Variants in EML5 observed in about 807,000 individuals in gnomAD.
EML5 encodes echinoderm microtubule-associated protein-like 5.
A neutral mutation model predicts 250.0 loss-of-function variants in EML5; 120 were observed. The ratio of observed to expected loss-of-function variants is 0.48; its 90% CI spans 0.41 to 0.56. The LOEUF is 0.56. Among genes scored for constraint, EML5 ranks in the 20% least tolerant of loss-of-function variants. The pLI is 0.00. For synonymous variants in EML5, 771 were observed against 806.5 expected (o/e 0.96, Z 0.75); for missense variants, 2,006 against 2,437.6 (o/e 0.82, Z 3.73).
intron 15 of EML5, among the ~76,000 whole-genome samples, chr14:88,696,104 G>A (rs996875024): frequency 2.0e-5 from 3 of 151,566 alleles, no homozygotes; most frequent in Admixed American, 2.0e-4. Flanking sequence ...GGTATTTTTC[G>A]TGGTGACTCA....
At position 88,695,344 on chromosome 14, in the gene EML5, T is replaced by C; in HGVS notation, c.2438+17A>G. Reference sequence around the variant, plus strand: ...ATTCTAGTATTTTGCAAATGTGATATCAAGTTTTTTTCCTACCTTGCTATT... The same window carrying C: ...ATTCTAGTATTTTGCAAATGTGATACCAAGTTTTTTTCCTACCTTGCTATT... On this transcript the variant is annotated intron_variant, in intron 16 of 43. Transcript: ENST00000554922. 6.3e-7 allele frequency: 1 copy of C among 1,595,758 alleles called. No homozygotes were observed. The highest frequency in any genetic ancestry group is 8.5e-7 in the Non-Finnish European group (1 of 1,172,096).
intron 4 of EML5, among the ~76,000 whole-genome samples, chr14:88,742,071 A>G (rs539664229): frequency 6.6e-6 from 1 of 152,262 alleles, no homozygotes; most frequent in East Asian, 1.9e-4. Context: ...TTCACATTAG[A>G]ATCACCTGGG....
chr14:88,732,148 T>C (rs1048508868), intron 7 of EML5, among the ~76,000 whole-genome samples: 3 of 152,236 alleles, frequency 2.0e-5, no homozygotes, highest in Admixed American at 1.3e-4. Context: ...CCCATGCCTA[T>C]GTCCTGAATG....
At chr14:88,768,792 T>C (rs757720654) in intron 1 of EML5, among the ~76,000 whole-genome samples, 52 of 152,216 alleles carry the variant, frequency 3.4e-4, no homozygotes, top group Admixed American at 2.6e-4. Context: ...ATCTTTTCTA[T>C]TTATTTATTT....
chr14:88,694,327 A>G lies in EML5; in HGVS notation c.2519T>C (p.Met840Thr). The change falls in exon 17 of 44, where the codon ATG becomes ACG. Residue 840 changes from methionine to threonine, a missense_variant. Physicochemically the swap from Met to Thr is moderately conservative, Grantham distance 81. Transcript: ENST00000554922. ...CTTACCTGCTTTACGCCAAAATTTCATGTGTTTAATTCCAGCTGTAATTAG... is the reference window on the plus strand; with the variant it reads ...CTTACCTGCTTTACGCCAAAATTTCGTGTGTTTAATTCCAGCTGTAATTAG... Reference protein sequence around the residue: ...DKLITAGIKHMKFWRKAGGGL... With the variant: ...DKLITAGIKHTKFWRKAGGGL... 1 of 1,587,422 alleles carries G rather than the reference A, an allele frequency of 6.3e-7. No homozygotes were observed. The highest frequency in any genetic ancestry group is 8.6e-7 in the Non-Finnish European group (1 of 1,166,208).
At chr14:88,731,198 T>A (rs2140141116) in intron 7 of EML5, among the ~76,000 whole-genome samples, 1 of 151,800 alleles carries the variant, frequency 6.6e-6, no homozygotes, top group South Asian at 2.1e-4. Context: ...TAGGTATATC[T>A]CCTAATGTTA....
intron 33 of EML5, 42 bp downstream of exon 33, chr14:88,634,427 C>T: frequency 7.2e-7 from 1 of 1,379,930 alleles, no homozygotes; most frequent in African/African-American, 1.5e-5. Context: ...CTATCATTAC[C>T]AAACAATATA....
chr14:88,714,305 C>G (rs2093456458), intron 9 of EML5, among the ~76,000 whole-genome samples: 1 of 152,124 alleles, frequency 6.6e-6, no homozygotes, highest in Non-Finnish European at 1.5e-5. Context: ...AAAAGAGAAT[C>G]TGTTTTAGAT....
At chr14:88,709,892 C>T (rs1236248013) in intron 10 of EML5, among the ~76,000 whole-genome samples, 2 of 152,122 alleles carry the variant, frequency 1.3e-5, no homozygotes, top group South Asian at 4.1e-4. Context: ...AATCAGTCCC[C>T]GTTATAAATT....
chr14:88,676,267 C>A (rs1045672739), intron 21 of EML5, among the ~76,000 whole-genome samples: 1 of 152,216 alleles, frequency 6.6e-6, no homozygotes, highest in Non-Finnish European at 1.5e-5. Context: ...AGAGATTTAA[C>A]TGACTCACAG....
At chr14:88,634,195 C>CCCTT (rs1190814455) in intron 33 of EML5, among the ~76,000 whole-genome samples, 3 of 152,186 alleles carry the variant, frequency 2.0e-5, no homozygotes, top group Admixed American at 1.3e-4. Flanking sequence ...GTAGTACCTC[C>CCCTT]CCTTTCTCTC....
At chr14:88,656,060 A>G (rs974209844) in intron 27 of EML5, among the ~76,000 whole-genome samples, 4 of 152,150 alleles carry the variant, frequency 2.6e-5, no homozygotes, top group Non-Finnish European at 4.4e-5. Flanking sequence ...ACAGTGTGGC[A>G]ATTCCTCAAG....
intron 7 of EML5, among the ~76,000 whole-genome samples, chr14:88,730,480 A>C (rs1461689158): frequency 6.6e-6 from 1 of 152,248 alleles, no homozygotes; most frequent in East Asian, 1.9e-4. Flanking sequence ...ATATGTCCAG[A>C]GAAAACAGAC....
intron 33 of EML5, among the ~76,000 whole-genome samples, chr14:88,633,876 AC>A (rs1368114085): frequency 6.6e-6 from 1 of 152,094 alleles, no homozygotes; most frequent in African/African-American, 2.4e-5. Flanking sequence ...CTTCCAAAGC[AC>A]TGGGATTACA....
chr14:88,711,496 A>G (rs1055127980), intron 10 of EML5, among the ~76,000 whole-genome samples: 3 of 151,082 alleles, frequency 2.0e-5, no homozygotes, highest in Non-Finnish European at 2.9e-5. Flanking sequence ...TCACAGGAAA[A>G]ACTACCATTT....
intron 8 of EML5, 75 bp downstream of exon 8, chr14:88,726,466 C>A: frequency 7.8e-7 from 1 of 1,285,932 alleles, no homozygotes; most frequent in Non-Finnish European, 1.0e-6. Flanking sequence ...TATTCTGTAT[C>A]GCTGAAGAGA....
At chr14:88,684,726 T>A (rs1567118297) in intron 20 of EML5, among the ~76,000 whole-genome samples, 1 of 152,050 alleles carries the variant, frequency 6.6e-6, no homozygotes, top group African/African-American at 2.4e-5. Context: ...TGGCAATTAT[T>A]CCATAGAAGA....
At chr14:88,648,873 T>C (rs190808095) in intron 28 of EML5, among the ~76,000 whole-genome samples, 119 of 150,184 alleles carry the variant, frequency 7.9e-4, no homozygotes, top group Non-Finnish European at 2.9e-4. Flanking sequence ...TCTGAACTCA[T>C]ATCTTTGTAC....
chr14:88,782,508 C>T (rs902815434), intron 1 of EML5, among the ~76,000 whole-genome samples: 2 of 152,258 alleles, frequency 1.3e-5, no homozygotes, highest in Admixed American at 6.5e-5. Context: ...GAGACTTTTG[C>T]GGCAGCCCCT....
Sources: allele counts gnomAD v4.1 joint callset (sites outside exome capture counted in the v4.1 genomes callset), GRCh38; gene constraint gnomAD v4.1.1; transcripts MANE v1.5; gene names NCBI Gene and HGNC (gene_info 2026-07-23, HGNC 2026-07-21).